The following CHST11 variants were observed in gnomAD, a reference collection of about 807,000 sequenced individuals.
CHST11 encodes the protein carbohydrate sulfotransferase 11.
CHST11 carries 9 observed loss-of-function variants against 30.4 expected under a neutral mutation model. The ratio of observed to expected loss-of-function variants is 0.30; its 90% confidence interval spans 0.18 to 0.52. The LOEUF (loss-of-function observed/expected upper bound fraction) is 0.52. Among genes scored for constraint, CHST11 ranks in the 20% least tolerant of loss-of-function variants. The pLI is 0.97. For missense variants in CHST11, 348 were observed against 460.6 expected (o/e 0.76, Z 2.24); for synonymous variants, 152 against 187.8 (o/e 0.81, Z 1.56).
intron 1 of CHST11, among the ~76,000 whole-genome samples, chr12:104,497,430 C>T (rs1055937240): frequency 2.6e-5 from 4 of 152,218 alleles, no homozygotes; most frequent in Non-Finnish European, 5.9e-5. Context: ...CTGCTTGACA[C>T]CTTGATCCTA....
At position 104,458,149 on chromosome 12, in the gene CHST11, C is replaced by T. The variant is rs529354541; in HGVS notation, c.118+620C>T. Among the ~76,000 whole-genome samples the T allele has an allele frequency of 7.9e-4, 120 of 152,126 alleles. 1 individual carries two copies. Among genetic ancestry groups the T allele is most frequent in the Middle Eastern group, 3.4e-3 (1 of 294 alleles). On this transcript the variant is annotated intron_variant, in intron 1 of 2. Coordinates refer to ENST00000303694, the MANE Select transcript of CHST11 (RefSeq NM_018413.6). The surrounding 1 kb of genome is among the most constrained non-coding windows in gnomAD (Gnocchi z 5.7). ...GAGTGGTCGGGTGCCCAGCGTTGCC[C>T]CTCCACCACGCGCCGGCCGTTTGCC...
rs1032022619 is a variant in CHST11, at chr12:104,754,847, A to C, written c.205-2102A>C. Among the ~76,000 whole-genome samples, 7 of 152,280 alleles carry C rather than the reference A, an allele frequency of 4.6e-5. 1 individual carries two copies. Among genetic ancestry groups the C allele is most frequent in the Admixed American group, 1.3e-4 (2 of 15,306 alleles). ...GTTTGCTTCCTCCCTTGGGTATAAAAATTTTTAGTGGCGATGGCATGTTAT... is the reference window on the plus strand; with the variant it reads ...GTTTGCTTCCTCCCTTGGGTATAAACATTTTTAGTGGCGATGGCATGTTAT... On this transcript the variant is annotated intron_variant, in intron 2 of 2. Transcript: ENST00000303694.
chr12:104,725,045 G>A (rs889271438), intron 2 of CHST11, among the ~76,000 whole-genome samples: 4 of 152,050 alleles, frequency 2.6e-5, no homozygotes, highest in East Asian at 1.9e-4. Flanking sequence ...TCAGCCTTGC[G>A]AGCCCCAGTT....
chr12:104,626,776 C>G (rs1592802221), intron 2 of CHST11, among the ~76,000 whole-genome samples: 1 of 151,862 alleles, frequency 6.6e-6, no homozygotes, highest in Non-Finnish European at 1.5e-5. Flanking sequence ...CCCCTGCCCC[C>G]AGACATGCAC....
chr12:104,606,327 TGAG>T (rs1335010577), intron 2 of CHST11, among the ~76,000 whole-genome samples: 1 of 149,912 alleles, frequency 6.7e-6, no homozygotes, highest in Non-Finnish European at 1.5e-5. Flanking sequence ...GGAAGCAGGA[TGAG>T]GAGGAGGATG....
intron 2 of CHST11, among the ~76,000 whole-genome samples, chr12:104,637,841 C>T (rs548981507): frequency 6.6e-6 from 1 of 152,308 alleles, no homozygotes; most frequent in African/African-American, 2.4e-5. Flanking sequence ...ATGATCATCT[C>T]CTCCCTTCTC....
chr12:104,475,714 A>T, intron 1 of CHST11, among the ~76,000 whole-genome samples: 1 of 104,928 alleles, frequency 9.5e-6, no homozygotes, highest in African/African-American at 3.0e-5. Flanking sequence ...AATTAATTCA[A>T]GTGTATTATA....
chr12:104,712,714 G>T (rs1009806856), intron 2 of CHST11, among the ~76,000 whole-genome samples: 1 of 152,156 alleles, frequency 6.6e-6, no homozygotes, highest in Non-Finnish European at 1.5e-5. Context: ...CCCTGACATT[G>T]CATGGAAATT....
chr12:104,500,140 G>A (rs2037839055), intron 1 of CHST11, among the ~76,000 whole-genome samples: 1 of 152,146 alleles, frequency 6.6e-6, no homozygotes, highest in South Asian at 2.1e-4. Flanking sequence ...CCCTTCCTGG[G>A]AGAAGTTCTT....
intron 1 of CHST11, among the ~76,000 whole-genome samples, chr12:104,459,917 A>G (rs2037390991): frequency 6.6e-6 from 1 of 152,246 alleles, no homozygotes; most frequent in African/African-American, 2.4e-5. Context: ...TTCAGTTGAA[A>G]GGCCTTCCTT....
chr12:104,734,637 G>A (rs894435888), intron 2 of CHST11, among the ~76,000 whole-genome samples: 2 of 152,096 alleles, frequency 1.3e-5, no homozygotes, highest in Admixed American at 1.3e-4. Context: ...TGAGGACCTG[G>A]GGTTATTGCC....
chr12:104,480,065 T>C (rs1379882966), intron 1 of CHST11, among the ~76,000 whole-genome samples: 2 of 152,156 alleles, frequency 1.3e-5, no homozygotes, highest in Non-Finnish European at 2.9e-5. Context: ...AGAGAATGGA[T>C]ATTGGGGGTC....
chr12:104,565,068 C>T (rs1431255602), intron 1 of CHST11, among the ~76,000 whole-genome samples: 1 of 151,990 alleles, frequency 6.6e-6, no homozygotes, highest in Non-Finnish European at 1.5e-5. Context: ...CACAGCCAAA[C>T]CACATCAGTA....
chr12:104,488,627 A>ATG lies in CHST11; in HGVS notation c.118+31107_118+31108dup, dbSNP rs138634510. Among the ~76,000 whole-genome samples the ATG allele has an allele frequency of 4.1e-5, 5 of 122,592 alleles. No individual in the cohort carries two copies. The East Asian group carries it at 1.5e-3, about 36-fold the overall frequency. 80.4% of individuals were successfully genotyped at this position (122,592 alleles called of 152,430 possible). On this transcript the variant is annotated intron_variant, in intron 1 of 2. Coordinates refer to ENST00000303694, the MANE Select transcript of CHST11 (RefSeq NM_018413.6). ...TATGTGTGTATGTATGTGTGCATGT[A>ATG]TGTGTGTGTGCGTGTGTATGTGTGT...
At chr12:104,715,210 C>T (rs1183253237) in intron 2 of CHST11, among the ~76,000 whole-genome samples, 1 of 151,854 alleles carries the variant, frequency 6.6e-6, no homozygotes, top group Non-Finnish European at 1.5e-5. Flanking sequence ...ACTAAAAATA[C>T]AAAAAAGAAA....
At chr12:104,715,710 A>T (rs1436841421) in intron 2 of CHST11, among the ~76,000 whole-genome samples, 1 of 152,092 alleles carries the variant, frequency 6.6e-6, no homozygotes, top group Non-Finnish European at 1.5e-5. Flanking sequence ...CACATGCACC[A>T]GCCCCTCCCG....
chr12:104,709,825 A>G (rs1179905519), intron 2 of CHST11, among the ~76,000 whole-genome samples: 3 of 152,200 alleles, frequency 2.0e-5, no homozygotes, highest in African/African-American at 7.2e-5. Context: ...GAAATAACAA[A>G]AACTGAAAAC....
intron 2 of CHST11, among the ~76,000 whole-genome samples, chr12:104,606,535 A>C (rs1005461885): frequency 2.6e-5 from 4 of 152,136 alleles, no homozygotes; most frequent in Admixed American, 6.5e-5. Context: ...TGAGGCTCAG[A>C]GGGTTGAGCA....
At chr12:104,516,929 C>A (rs80217465) in intron 1 of CHST11, among the ~76,000 whole-genome samples, 3,604 of 152,182 alleles carry the variant, frequency 0.024, 139 homozygotes, top group East Asian at 0.17. Context: ...GCAAAATGTT[C>A]CTGTTTGTTC....
Sources: allele counts gnomAD v4.1 joint callset (sites outside exome capture counted in the v4.1 genomes callset), GRCh38; gene constraint gnomAD v4.1.1; non-coding constraint Gnocchi (gnomAD v3.1); transcripts MANE v1.5; gene names NCBI Gene and HGNC (gene_info 2026-07-23, HGNC 2026-07-21).